TBCD: variants seen among roughly 807,000 people sequenced by gnomAD.
The protein encoded by TBCD is tubulin folding cofactor D, also known as tubulin-specific chaperone D.
Under a neutral mutation model 169.3 loss-of-function variants are expected in TBCD, and 105 were observed. That is an observed-to-expected ratio of 0.62 (90% CI 0.53 to 0.73). TBCD has a LOEUF of 0.73. Among genes scored for constraint, TBCD ranks in the 30% least tolerant of loss-of-function variants. The pLI is 0.00. For synonymous variants in TBCD, 700 were observed against 643.9 expected (o/e 1.09, Z -1.32); for missense variants, 1,444 against 1,600.1 (o/e 0.90, Z 1.66).
chr17:82,911,664 T>C, intron 22 of TBCD, 94 bp from the exon 23 acceptor site: 1 of 1,277,732 alleles, frequency 7.8e-7, no homozygotes, highest in Non-Finnish European at 1.1e-6. Flanking sequence ...ATTTTAATGC[T>C]TTTTGGAGCC....
At chr17:82,907,530 G>C (rs2085615) in intron 20 of TBCD, among the ~76,000 whole-genome samples, 66,300 of 152,172 alleles carry the variant, frequency 0.44, 15,673 homozygotes, top group African/African-American at 0.63. Flanking sequence ...AATAACAAAA[G>C]AATGCAATGT....
chr17:82,857,579 T>G (rs1454671117), intron 13 of TBCD, among the ~76,000 whole-genome samples: 1 of 152,134 alleles, frequency 6.6e-6, no homozygotes, highest in Non-Finnish European at 1.5e-5. Context: ...AAAAAGTATT[T>G]TGTTTTTTTG....
intron 13 of TBCD, among the ~76,000 whole-genome samples, chr17:82,821,285 T>C (rs2052394525): frequency 1.3e-5 from 2 of 152,252 alleles, no homozygotes; most frequent in Non-Finnish European, 2.9e-5. Context: ...TTAGTTTAAA[T>C]GTTGTTCTTT....
chr17:82,794,170 C>G (rs1442780158), intron 7 of TBCD, among the ~76,000 whole-genome samples: 2 of 152,142 alleles, frequency 1.3e-5, no homozygotes, highest in African/African-American at 4.8e-5. Flanking sequence ...GAGCCTCAAA[C>G]CAGCATCTCC....
At chr17:82,842,566 C>A (rs1302184738) in intron 13 of TBCD, among the ~76,000 whole-genome samples, 1 of 152,180 alleles carries the variant, frequency 6.6e-6, no homozygotes, top group African/African-American at 2.4e-5. Flanking sequence ...CCCATGTCGT[C>A]TTTCTCTTGA....
chr17:82,908,481 A>G (rs1285043340), intron 21 of TBCD: 1 of 418,430 alleles, frequency 2.4e-6, no homozygotes. Flanking sequence ...GAGAATATAA[A>G]AATTGTTCAC....
chr17:82,865,896 A>G (rs2057136678), intron 13 of TBCD, among the ~76,000 whole-genome samples: 1 of 152,180 alleles, frequency 6.6e-6, no homozygotes, highest in Non-Finnish European at 1.5e-5. Context: ...AACAAATGAC[A>G]GGCTGTCTAG....
At chr17:82,929,646 GC>G in intron 32 of TBCD, 146 bp downstream of exon 32, 2 of 1,148,222 alleles carry the variant, frequency 1.7e-6, no homozygotes, top group Non-Finnish European at 2.5e-6. Flanking sequence ...GGGGTCAGGG[GC>G]CCAGTGTCTT....
chr17:82,801,079 C>G, intron 9 of TBCD, 83 bp downstream of exon 9: 8 of 805,388 alleles, frequency 9.9e-6, no homozygotes, highest in Non-Finnish European at 1.2e-5. Flanking sequence ...TTGATGAGGG[C>G]GGGGCAGGTG....
In TBCD at chr17:82,831,705, G is replaced by A. The variant is rs1438496291; in HGVS notation, c.1318+16771G>A. On this transcript the variant is annotated intron_variant, in intron 13 of 38. Transcript: ENST00000355528. The surrounding 1 kb of genome is among the most constrained non-coding windows in gnomAD (Gnocchi z 4.6). The stretch of plus-strand genomic sequence containing the variant: ...AAGGCGAGTAGATGGTGGCCAGCCC[G>A]TGCTCTGTGTAAAAGTGAGGCGGGT... The A allele has an allele frequency of 5.6e-6, 9 of 1,614,052 alleles. No homozygotes were observed. Among genetic ancestry groups the A allele is most frequent in the Middle Eastern group, 1.6e-4 (1 of 6,084 alleles).
At position 82,764,031 on chromosome 17, in the gene TBCD, T is replaced by G. The variant is rs2047903295; in HGVS notation, c.302T>G (p.Leu101Arg). 2 of 1,613,960 alleles carry G rather than the reference T, an allele frequency of 1.2e-6. No individual in the cohort carries two copies. Among genetic ancestry groups the G allele is most frequent in the Non-Finnish European group, 1.7e-6 (2 of 1,179,852 alleles). Residue 101 changes from leucine to arginine, a missense_variant, in exon 3 of 39, where the codon CTG becomes CGG. By Grantham distance (102) the Leu-to-Arg change is moderately radical. Transcript: ENST00000355528. ...ACATCTCCAGCTTCCCTTGTACATC[T>G]GGCTTTTAAATTTCTTTACATCATC... Reference protein sequence around the residue: ...DQTSPASLVHLAFKFLYIITK... With the variant: ...DQTSPASLVHRAFKFLYIITK...
In TBCD at chr17:82,939,348, C is replaced by T. The variant is rs761669327; in HGVS notation, c.3370-19C>T. On this transcript the variant is annotated intron_variant, in intron 36 of 38. Transcript: ENST00000355528. ...CGGTGGCGCTTCCCTCCGGCAAATG[C>T]ACTGCATCCCTGTCCCAGATCCGGA... 58 of 1,598,388 alleles carry T rather than the reference C, an allele frequency of 3.6e-5. 2 individuals are homozygous for T. The highest frequency in any genetic ancestry group is 3.6e-4 in the South Asian group (32 of 89,384).
chr17:82,820,568 C>G (rs1207900986), intron 13 of TBCD, among the ~76,000 whole-genome samples: 1 of 151,908 alleles, frequency 6.6e-6, no homozygotes, highest in Non-Finnish European at 1.5e-5. Context: ...TGCCCCTCTC[C>G]TCTCCTTGTG....
chr17:82,890,342 A>C lies in TBCD; in HGVS notation c.1563+645A>C, dbSNP rs922211233. On this transcript the variant is annotated intron_variant, in intron 16 of 38. Coordinates refer to ENST00000355528, the MANE Select transcript of TBCD (RefSeq NM_005993.5). This position sits in a 1 kb window ranked among gnomAD's most constrained non-coding sequence, Gnocchi z 5.3. ...CTGGGCTGGACCTGGGCGGGGAGCA[A>C]AGTTCCCACGAGAAGTCAGCCGAGA... is the stretch of plus-strand genomic sequence containing the variant. Among the ~76,000 whole-genome samples the C allele has an allele frequency of 1.3e-5, 2 of 151,864 alleles. No individual in the cohort carries two copies. The highest frequency in any genetic ancestry group is 3.9e-4 in the East Asian group (2 of 5,170).
chr17:82,927,306 A>T lies in TBCD; in HGVS notation c.2592A>T (p.Arg864Ser). The T allele has an allele frequency of 6.2e-7, 1 of 1,613,922 alleles. No homozygotes were observed. The highest frequency in any genetic ancestry group is 1.1e-5 in the South Asian group (1 of 91,072). ...GCMDDYTTDS[R>S]GDVGTWVRKA... ...TGGACGACTACACCACGGACAGCAG[A>T]GGGGACGTGGGCACCTGGTACGTAC... Residue 864 changes from arginine (R) to serine (S), a missense_variant, in exon 29 of 39, where the codon AGA (arginine) becomes AGT (serine). Arg to Ser is a moderately radical substitution (Grantham distance 110). Coordinates refer to ENST00000355528, the MANE Select transcript of TBCD (RefSeq NM_005993.5).
intron 33 of TBCD, among the ~76,000 whole-genome samples, chr17:82,931,244 C>T (rs1250053550): frequency 1.3e-5 from 2 of 152,208 alleles, no homozygotes; most frequent in Admixed American, 6.5e-5. Context: ...GCACAGATGC[C>T]GCTCTCGGCA....
intron 16 of TBCD, among the ~76,000 whole-genome samples, chr17:82,892,007 G>T (rs2059174111): frequency 6.6e-6 from 1 of 152,126 alleles, no homozygotes; most frequent in African/African-American, 2.4e-5. Context: ...CCTTGTGGTG[G>T]CCTGTCCACA....
intron 7 of TBCD, among the ~76,000 whole-genome samples, chr17:82,792,405 C>T (rs893128843): frequency 4.6e-5 from 7 of 151,690 alleles, no homozygotes; most frequent in Non-Finnish European, 8.8e-5. Flanking sequence ...ATATAAAATC[C>T]TTTTATGGGC....
chr17:82,838,317 G>A (rs1048757533), intron 13 of TBCD, among the ~76,000 whole-genome samples: 1 of 147,176 alleles, frequency 6.8e-6, no homozygotes, highest in Admixed American at 6.9e-5. Context: ...TTGAAAAATA[G>A]ACAAGAGAAA....
Sources: gnomAD v4.1 joint callset for allele counts (sites outside exome capture counted in the v4.1 genomes callset) on GRCh38, gnomAD v4.1.1 for gene constraint, Gnocchi (gnomAD v3.1) non-coding constraint, MANE v1.5 for transcripts, NCBI Gene and HGNC (gene_info 2026-07-23, HGNC 2026-07-21) for gene names.